Variants in RYR2 observed in about 807,000 individuals in gnomAD.
RYR2 encodes the protein cardiac muscle ryanodine receptor-calcium release channel.
Under a neutral mutation model 601.1 loss-of-function variants are expected in RYR2, and 227 were observed. The ratio of observed to expected loss-of-function variants is 0.38; its 90% confidence interval spans 0.34 to 0.42. The LOEUF is 0.42. Ranked by LOEUF, RYR2 falls within the 10% of genes least tolerant of loss-of-function variation. The pLI, the probability that RYR2 is intolerant of heterozygous loss-of-function variation, is 1.00. For synonymous variants in RYR2, 2,223 were observed against 2,175.1 expected, an observed-to-expected ratio of 1.02 and a Z score of -0.61; for missense variants, 4,646 against 6,156.5, an observed-to-expected ratio of 0.75 and a Z score of 8.21.
At chr1:237,042,663 C>G in intron 1 of RYR2, 94 bp downstream of exon 1, 1 of 1,191,694 alleles carries the variant, frequency 8.4e-7, no homozygotes, top group South Asian at 4.3e-5. Flanking sequence ...GCAGCGGGGA[C>G]TCGCGGGCGG....
chr1:237,673,389 CT>C (rs1377835850), intron 58 of RYR2, among the ~76,000 whole-genome samples: 2 of 151,788 alleles, frequency 1.3e-5, no homozygotes, highest in Non-Finnish European at 2.9e-5. Context: ...GTTTTTCTCC[CT>C]ATTAGTTTTT....
At chr1:237,245,268 C>T (rs1016289994) in intron 1 of RYR2, among the ~76,000 whole-genome samples, 2 of 151,926 alleles carry the variant, frequency 1.3e-5, no homozygotes, top group Non-Finnish European at 2.9e-5. Context: ...GTACTCTGAT[C>T]AGCCTCTTTG....
chr1:237,458,910 G>T (rs1186701090), intron 16 of RYR2, among the ~76,000 whole-genome samples: 1 of 152,038 alleles, frequency 6.6e-6, no homozygotes, highest in Non-Finnish European at 1.5e-5. Context: ...TCATTAGGTG[G>T]GCTATTTGAT....
intron 1 of RYR2, among the ~76,000 whole-genome samples, chr1:237,082,522 A>AATATATATATAT (rs1665826019): frequency 3.4e-5 from 1 of 29,382 alleles, no homozygotes. Context: ...CAAATAGGAA[A>AATATATATATAT]ACATATATAT....
intron 1 of RYR2, among the ~76,000 whole-genome samples, chr1:237,121,986 G>A (rs1250464659): frequency 6.6e-6 from 1 of 152,220 alleles, no homozygotes; most frequent in Non-Finnish European, 1.5e-5. Flanking sequence ...GAAAATACTG[G>A]TTGGTGATTT....
intron 29 of RYR2, among the ~76,000 whole-genome samples, chr1:237,577,292 A>G (rs1336678230): frequency 6.6e-6 from 1 of 152,196 alleles, no homozygotes; most frequent in Non-Finnish European, 1.5e-5. Flanking sequence ...AAAGATAACT[A>G]TGGTAGGCCG....
chr1:237,682,201 TA>T (rs1472232686), intron 62 of RYR2, among the ~76,000 whole-genome samples: 1 of 152,158 alleles, frequency 6.6e-6, no homozygotes, highest in Non-Finnish European at 1.5e-5. Context: ...TATACCTCTA[TA>T]AAGCTGGAAA....
intron 3 of RYR2, chr1:237,352,938 G>A (rs896200533): frequency 8.7e-5 from 41 of 469,198 alleles, no homozygotes; most frequent in African/African-American, 4.3e-4. Context: ...CAGGTATGTC[G>A]CAACTTTCAT....
chr1:237,648,515 C>T lies in RYR2; in HGVS notation c.7414C>T (p.Leu2472Phe). ...TCACAAGGCAGCCATGGTTTTATTC[C>T]TTGACAGGGTCTATGGGATTGAGGT... ...PDHKAAMVLFLDRVYGIEVQD... is the reference protein window; with the variant it reads ...PDHKAAMVLFFDRVYGIEVQD... Residue 2472 changes from leucine to phenylalanine, a missense_variant, in exon 49 of 105, where the codon CTT (leucine) becomes TTT (phenylalanine). Around this residue, in one of 17 missense-constraint regions of RYR2, gnomAD observed 1,497 missense variants for 1,842.6 expected, o/e 0.81. Transcript: ENST00000366574. The T allele has an allele frequency of 6.2e-7, 1 of 1,611,258 alleles. No individual in the cohort carries two copies. The highest frequency in any genetic ancestry group is 8.5e-7 in the Non-Finnish European group (1 of 1,178,650).
At chr1:237,816,587 G>A (rs1248875351) in intron 100 of RYR2, among the ~76,000 whole-genome samples, 1 of 152,064 alleles carries the variant, frequency 6.6e-6, no homozygotes, top group Non-Finnish European at 1.5e-5. Context: ...TACTTGGGAG[G>A]CTGAGGCAGG....
intron 17 of RYR2, among the ~76,000 whole-genome samples, chr1:237,473,205 G>C (rs573830858): frequency 1.3e-5 from 2 of 151,962 alleles, no homozygotes; most frequent in East Asian, 1.9e-4. Flanking sequence ...GGGCAAATCA[G>C]CTGAGGTCAG....
In RYR2 at chr1:237,555,486, C is replaced by T. The variant is rs16835387; in HGVS notation, c.3214+4795C>T. ...ACTCACACCTGGTTTTATAGTCTGA[C>T]ACATCAACCATTTGATTTCCCCAGG... On this transcript the variant is annotated intron_variant, in intron 27 of 104. Coordinates refer to ENST00000366574, the MANE Select transcript of RYR2 (RefSeq NM_001035.3). 7.4e-3 allele frequency among the ~76,000 whole-genome samples: 1,122 copies of T among 152,178 alleles called. 13 individuals are homozygous for T. The highest frequency in any genetic ancestry group is 0.026 in the African/African-American group (1,069 of 41,538).
chr1:237,097,525 A>G (rs954849548), intron 1 of RYR2, among the ~76,000 whole-genome samples: 2 of 152,340 alleles, frequency 1.3e-5, no homozygotes, highest in African/African-American at 4.8e-5. Context: ...TGGTATATTT[A>G]CAAAGATTTA....
chr1:237,649,864 G>A lies in RYR2; in HGVS notation c.7513-13G>A, dbSNP rs1338880769. 1.9e-6 allele frequency: 3 copies of A among 1,611,310 alleles called. No individual in the cohort carries two copies. Among genetic ancestry groups the A allele is most frequent in the African/African-American group, 1.3e-5 (1 of 74,876 alleles). Reference sequence around the variant, plus strand: ...AAACACAAATGGCCTTCTACTCTCTGATTCTTTTTCAGGCAGCTTTGAGTG... The same window carrying A: ...AAACACAAATGGCCTTCTACTCTCTAATTCTTTTTCAGGCAGCTTTGAGTG... On this transcript the variant is annotated splice_polypyrimidine_tract_variant and intron_variant, in intron 49 of 104. Coordinates refer to ENST00000366574, the MANE Select transcript of RYR2 (RefSeq NM_001035.3).
chr1:237,265,449 G>C (rs180986474), intron 1 of RYR2, among the ~76,000 whole-genome samples: 104 of 152,186 alleles, frequency 6.8e-4, no homozygotes, highest in Admixed American at 1.1e-3. Context: ...AGCCTCCCAA[G>C]TAGCTGGGAC....
At chr1:237,434,365 A>G (rs1027552479) in intron 12 of RYR2, among the ~76,000 whole-genome samples, 3 of 152,320 alleles carry the variant, frequency 2.0e-5, no homozygotes, top group African/African-American at 4.8e-5. Context: ...ATATATTCAG[A>G]AAAAAACTGA....
At chr1:237,531,444 ATT>A (rs1668129894) in intron 25 of RYR2, among the ~76,000 whole-genome samples, 1 of 152,212 alleles carries the variant, frequency 6.6e-6, no homozygotes, top group Non-Finnish European at 1.5e-5. Context: ...AAACTTAAGT[ATT>A]CAAGCTGCTT....
intron 1 of RYR2, among the ~76,000 whole-genome samples, chr1:237,086,634 A>G (rs915043744): frequency 2.0e-5 from 3 of 152,138 alleles, no homozygotes; most frequent in Non-Finnish European, 4.4e-5. Flanking sequence ...TAACTAATCC[A>G]AGCCAGGGCT....
chr1:237,250,056 C>G (rs11810170), intron 1 of RYR2, among the ~76,000 whole-genome samples: 7,594 of 152,224 alleles, frequency 0.05, 480 homozygotes, highest in African/African-American at 0.15. Flanking sequence ...TTAGAACGGT[C>G]TTTCTTAATA....
Sources: gnomAD v4.1 joint callset for allele counts (sites outside exome capture counted in the v4.1 genomes callset) on GRCh38, gnomAD v4.1.1 for gene constraint, gnomAD v4.1.1 regional missense constraint, MANE v1.5 for transcripts, NCBI Gene and HGNC (gene_info 2026-07-23, HGNC 2026-07-21) for gene names.